The following ZDHHC5 variants were observed in gnomAD, a reference collection of about 807,000 sequenced individuals.
The protein encoded by ZDHHC5 is zDHHC palmitoyltransferase 5.
In ZDHHC5, 22 loss-of-function variants were observed where a neutral mutation model predicts 70.0. The observed-to-expected ratio is 0.31, with a 90% CI of 0.22 to 0.45. The LOEUF is 0.45. Among genes scored for constraint, ZDHHC5 ranks in the 20% least tolerant of loss-of-function variants. ZDHHC5 has a pLI of 1.00. For synonymous variants in ZDHHC5, 313 were observed against 347.8 expected, an observed-to-expected ratio of 0.90 and a Z score of 1.11; for missense variants, 746 against 926.9, an observed-to-expected ratio of 0.80 and a Z score of 2.53.
chr11:57,672,549 A>G lies in ZDHHC5; in HGVS notation c.-542A>G, dbSNP rs1946019260. On this transcript the variant is annotated 5_prime_UTR_variant, in exon 2 of 12. Coordinates refer to ENST00000287169, the MANE Select transcript of ZDHHC5 (RefSeq NM_015457.3). ...GAAGGGGCCTCAGGTTCCTTCTTGGATTGAAATAGAAATAGAAACACAGGG... is the reference window on the plus strand; with the variant it reads ...GAAGGGGCCTCAGGTTCCTTCTTGGGTTGAAATAGAAATAGAAACACAGGG... The G allele has an allele frequency of 3.4e-6, 1 of 290,208 alleles. No individual in the cohort carries two copies. The highest frequency in any genetic ancestry group is 6.3e-6 in the Non-Finnish European group (1 of 158,686). 18.0% of individuals were successfully genotyped at this position (290,208 alleles called of 1,614,324 possible). A position where few individuals can be genotyped will look rare whatever the true frequency, so the allele number is the denominator to read the frequency against.
chr11:57,684,118 G>A (rs1030190369), intron 3 of ZDHHC5, among the ~76,000 whole-genome samples: 2 of 151,854 alleles, frequency 1.3e-5, no homozygotes, highest in African/African-American at 2.4e-5. Flanking sequence ...GACTACAGGC[G>A]CGGGCCACCA....
intron 2 of ZDHHC5, among the ~76,000 whole-genome samples, chr11:57,676,772 G>A (rs1045702368): frequency 2.0e-5 from 3 of 151,960 alleles, no homozygotes; most frequent in African/African-American, 7.3e-5. Context: ...AGTGCTCCTG[G>A]TAACACCATT....
chr11:57,695,369 G>A (rs1056539429), intron 8 of ZDHHC5, among the ~76,000 whole-genome samples: 6 of 151,908 alleles, frequency 3.9e-5, no homozygotes, highest in East Asian at 1.9e-4. Context: ...GCAATGAGCC[G>A]TGATCACGCC....
chr11:57,674,936 G>A (rs1359498187), intron 2 of ZDHHC5, among the ~76,000 whole-genome samples: 1 of 152,142 alleles, frequency 6.6e-6, no homozygotes, highest in African/African-American at 2.4e-5. Context: ...GCTTTTCTCT[G>A]ACTTAATATT....
At chr11:57,694,041 C>G in intron 8 of ZDHHC5, 126 bp downstream of exon 8, 1 of 1,307,388 alleles carries the variant, frequency 7.6e-7, no homozygotes, top group South Asian at 1.6e-5. Context: ...TGCTCTGTTG[C>G]CCAGGCTGGA....
At chr11:57,678,570 CAA>C (rs34342337) in intron 2 of ZDHHC5, among the ~76,000 whole-genome samples, 29 of 101,432 alleles carry the variant, frequency 2.9e-4, no homozygotes, top group African/African-American at 6.7e-4. Flanking sequence ...AACTCTGTCT[CAA>C]AAAAAAAAAA....
At position 57,682,454 on chromosome 11, in the gene ZDHHC5, C is replaced by T; in HGVS notation, c.137C>T (p.Ala46Val). The change falls in exon 3 of 12, where the codon GCA becomes GTA. Residue 46 changes from alanine (A) to valine (V), a missense_variant. Ala to Val is a moderately conservative substitution (Grantham distance 64). Transcript: ENST00000287169. ...GGACTAAGCCTGTATGTGTCACCTG[C>T]AGTGCCCATCTACAATGCAATTATG... Reference protein sequence around the residue: ...CPGLSLYVSPAVPIYNAIMFL... With the variant: ...CPGLSLYVSPVVPIYNAIMFL... 2 of 1,614,158 alleles carry T rather than the reference C, an allele frequency of 1.2e-6. No individual in the cohort carries two copies. Among genetic ancestry groups the T allele is most frequent in the Non-Finnish European group, 1.7e-6 (2 of 1,180,014 alleles).
At chr11:57,686,516 A>T (rs1024460564) in intron 3 of ZDHHC5, among the ~76,000 whole-genome samples, 1 of 151,940 alleles carries the variant, frequency 6.6e-6, no homozygotes, top group Admixed American at 6.6e-5. Flanking sequence ...GGGTCTCACC[A>T]TGTTGGCCAA....
chr11:57,695,952 G>T lies in ZDHHC5; in HGVS notation c.918G>T (p.Gln306His). ...GAAGCCTGGAGATAACAGAGAGCCAGTCTGCAGATGCTGAACCTCCACCTC... is the reference window on the plus strand; with the variant it reads ...GAAGCCTGGAGATAACAGAGAGCCATTCTGCAGATGCTGAACCTCCACCTC... Reference protein sequence around the residue: ...SKGSLEITESQSADAEPPPPP... With the variant: ...SKGSLEITESHSADAEPPPPP... Residue 306 changes from glutamine (Q) to histidine (H), a missense_variant, in exon 9 of 12, where the codon CAG (glutamine) becomes CAT (histidine). Coordinates refer to ENST00000287169, the MANE Select transcript of ZDHHC5 (RefSeq NM_015457.3). The T allele has an allele frequency of 6.2e-7, 1 of 1,614,128 alleles. No homozygotes were observed. The highest frequency in any genetic ancestry group is 8.5e-7 in the Non-Finnish European group (1 of 1,180,016).
rs1467232695 is a variant in ZDHHC5, at chr11:57,672,762, G to A, written c.-329G>A. On this transcript the variant is annotated 5_prime_UTR_variant, in exon 2 of 12. Transcript: ENST00000287169. ...GTCTGACTGTCCATGTTTTCCACCTGCAACCATTTGCATGTGTACAGCCTA... is the reference window on the plus strand; with the variant it reads ...GTCTGACTGTCCATGTTTTCCACCTACAACCATTTGCATGTGTACAGCCTA... 2.1e-5 allele frequency: 5 copies of A among 242,454 alleles called. No individual in the cohort carries two copies. The highest frequency in any genetic ancestry group is 1.5e-3 in the Middle Eastern group (1 of 680). 15.0% of individuals were successfully genotyped at this position (242,454 alleles called of 1,614,324 possible). A position where few individuals can be genotyped will look rare whatever the true frequency, so the allele number is the denominator to read the frequency against.
chr11:57,692,724 A>T, intron 7 of ZDHHC5, 22 bp downstream of exon 7: 1 of 1,612,464 alleles, frequency 6.2e-7, no homozygotes, highest in Admixed American at 1.7e-5. Context: ...CCTCTGGTCT[A>T]GTGTTTACCA....
At chr11:57,692,307 T>C (rs1946295318) in intron 6 of ZDHHC5, among the ~76,000 whole-genome samples, 1 of 152,146 alleles carries the variant, frequency 6.6e-6, no homozygotes. Flanking sequence ...AGGTGTGAGC[T>C]GCCATGCCCA....
At chr11:57,696,986 A>G (rs1946361287) in intron 10 of ZDHHC5, 113 bp downstream of exon 10, 1 of 1,055,854 alleles carries the variant, frequency 9.5e-7, no homozygotes, top group Admixed American at 2.0e-5. Context: ...CACAAGGTCA[A>G]GAGATTGAGA....
At chr11:57,685,871 T>C (rs1007554810) in intron 3 of ZDHHC5, among the ~76,000 whole-genome samples, 2 of 149,826 alleles carry the variant, frequency 1.3e-5, no homozygotes, top group South Asian at 2.1e-4. Flanking sequence ...CTACTAAAAA[T>C]ACAAAATTAG....
intron 3 of ZDHHC5, among the ~76,000 whole-genome samples, chr11:57,687,403 T>C (rs2135393035): frequency 6.6e-6 from 1 of 152,186 alleles, no homozygotes; most frequent in Non-Finnish European, 1.5e-5. Flanking sequence ...AAACCCCGTC[T>C]CTATTAAAAA....
At chr11:57,682,616 A>G in intron 3 of ZDHHC5, 73 bp downstream of exon 3, 1 of 1,522,106 alleles carries the variant, frequency 6.6e-7, no homozygotes, top group Non-Finnish European at 8.9e-7. Context: ...TACACAGTTG[A>G]TCTTGGGCCT....
chr11:57,699,498 G>A lies in ZDHHC5; in HGVS notation c.1982+80G>A, dbSNP rs1393254444. ...TGCAAAAGCTATCAGGGCTTCTGTT[G>A]TACATCCTAATGTAGGTGGACCCAG... On this transcript the variant is annotated intron_variant, in intron 11 of 11. Coordinates refer to ENST00000287169, the MANE Select transcript of ZDHHC5 (RefSeq NM_015457.3). The A allele has an allele frequency of 2.0e-6, 3 of 1,505,430 alleles. No individual in the cohort carries two copies. The African/African-American group carries it at 4.2e-5, about 21-fold the overall frequency. The allele number at this position is 1,505,430 out of a possible 1,614,324, so 93.3% of individuals were successfully genotyped here.
intron 3 of ZDHHC5, among the ~76,000 whole-genome samples, chr11:57,684,032 C>T (rs1057360223): frequency 4.2e-5 from 6 of 142,374 alleles, no homozygotes; most frequent in East Asian, 2.3e-4. Context: ...AGTGCAGTGG[C>T]GCAATCACGG....
chr11:57,674,829 C>T (rs1946051008), intron 2 of ZDHHC5, among the ~76,000 whole-genome samples: 1 of 152,224 alleles, frequency 6.6e-6, no homozygotes, highest in Admixed American at 6.5e-5. Flanking sequence ...TCCTACTTCT[C>T]ACCTCCTCTG....
Sources: gnomAD v4.1 joint callset for allele counts (sites outside exome capture counted in the v4.1 genomes callset) on GRCh38, gnomAD v4.1.1 for gene constraint, MANE v1.5 for transcripts, NCBI Gene and HGNC (gene_info 2026-07-23, HGNC 2026-07-21) for gene names.